Variants in ARHGAP45 observed in about 807,000 individuals in gnomAD.
The protein encoded by ARHGAP45 is rho GTPase-activating protein 45.
In ARHGAP45, 56 loss-of-function variants were observed where a neutral mutation model predicts 116.1. The observed-to-expected ratio is 0.48, with a 90% CI of 0.39 to 0.60. ARHGAP45 has a LOEUF of 0.60. Among genes scored for constraint, ARHGAP45 ranks in the 20% least tolerant of loss-of-function variants. The pLI, the probability that ARHGAP45 is intolerant of heterozygous loss-of-function variation, is 0.00. For synonymous variants in ARHGAP45, 866 were observed against 701.7 expected, an observed-to-expected ratio of 1.23 and a Z score of -3.70; for missense variants, 1,622 against 1,601.0, an observed-to-expected ratio of 1.01 and a Z score of -0.22.
At position 1,068,487 on chromosome 19, in the gene ARHGAP45, G is replaced by T; in HGVS notation, c.164G>T (p.Gly55Val). Residue 55 changes from glycine (G) to valine (V), a missense_variant, in exon 2 of 23, where the codon GGC becomes GTC. By Grantham distance (109) the Gly-to-Val change is moderately radical. Transcript: ENST00000313093. The surrounding 1 kb of genome is among the most constrained non-coding windows in gnomAD (Gnocchi z 7.5). ...CTGGAGCCGCCCGCTGGGTCCTCCGGCGTCAAGGCCACAGGGACCCTCAAG... is the reference window on the plus strand; with the variant it reads ...CTGGAGCCGCCCGCTGGGTCCTCCGTCGTCAAGGCCACAGGGACCCTCAAG... ...PSLEPPAGSS[G>V]VKATGTLKRP... The T allele has an allele frequency of 1.9e-6, 3 of 1,589,564 alleles. No individual in the cohort carries two copies. Among genetic ancestry groups the T allele is most frequent in the Non-Finnish European group, 2.6e-6 (3 of 1,168,868 alleles).
Position 1,074,089 on chromosome 19 carries a change from C to T in ARHGAP45, c.791-15C>T, listed in dbSNP as rs1265813250. ...GCGGGTCGGGCCAGGCTGAGCAGGC[C>T]CCCGTTCCCTGCAGGCTGCCTGCCC... is the stretch of plus-strand genomic sequence containing the variant. On this transcript the variant is annotated splice_polypyrimidine_tract_variant and intron_variant, in intron 6 of 22. Transcript: ENST00000313093. 3 of 1,610,098 alleles carry T rather than the reference C, an allele frequency of 1.9e-6. No individual in the cohort carries two copies. In the African/African-American group the frequency reaches 4.0e-5, roughly 21 times the overall value.
intron 2 of ARHGAP45, among the ~76,000 whole-genome samples, chr19:1,070,329 C>CTTTTTT (rs1172163710): frequency 2.5e-3 from 235 of 93,266 alleles, no homozygotes; most frequent in Non-Finnish European, 3.2e-3. Context: ...CTTTTCTTTT[C>CTTTTTT]TTTTTTTTTT....
upstream of ARHGAP45, among the ~76,000 whole-genome samples, chr19:1,066,842 C>T (rs967141803): frequency 6.6e-6 from 1 of 151,678 alleles, no homozygotes; most frequent in African/African-American, 2.4e-5. Context: ...GCGGGCTTGC[C>T]TTCAGGGAAA....
intron 10 of ARHGAP45, among the ~76,000 whole-genome samples, chr19:1,075,630 T>C (rs1397395627): frequency 3.3e-5 from 5 of 151,994 alleles, no homozygotes; most frequent in African/African-American, 9.7e-5. Flanking sequence ...TTTGCTTGTT[T>C]TGAGATAAGG....
intron 20 of ARHGAP45, 28 bp from the exon 21 acceptor site, chr19:1,083,115 C>T: frequency 2.5e-6 from 4 of 1,587,844 alleles, no homozygotes; most frequent in Non-Finnish European, 3.4e-6. Context: ...GGGAGCCGCT[C>T]AGCACCTGGC....
intron 11 of ARHGAP45, among the ~76,000 whole-genome samples, chr19:1,079,298 C>T (rs912000702): frequency 1.3e-4 from 19 of 150,728 alleles, no homozygotes; most frequent in Non-Finnish European, 1.0e-4. Flanking sequence ...GCCAGGAGTT[C>T]GAAACCAGCC....
Position 1,081,706 on chromosome 19 carries a change from T to TGCGAGATCGAGCG in ARHGAP45, c.2351_2363dup (p.Ala789AspfsTer117). On this transcript the variant is annotated frameshift_variant, in exon 18 of 23. Transcript: ENST00000313093. LOFTEE classifies it high-confidence loss of function. ...GCCCTTCATCGTCAAGAAGTGCGTC[T>TGCGAGATCGAGCG]GCGAGATCGAGCGGCGGGCGCTGCG... is the stretch of plus-strand genomic sequence containing the variant. 1.3e-6 allele frequency: 2 copies of TGCGAGATCGAGCG among 1,587,448 alleles called. No individual in the cohort carries two copies. Among genetic ancestry groups the TGCGAGATCGAGCG allele is most frequent in the Non-Finnish European group, 1.7e-6 (2 of 1,166,288 alleles).
chr19:1,067,776 G>C (rs1163453993), intron 1 of ARHGAP45: 12 of 641,544 alleles, frequency 1.9e-5, no homozygotes, highest in Non-Finnish European at 3.1e-5. Context: ...GGACGATGTT[G>C]TGTTTGGGCC....
rs2043107762 is a variant in ARHGAP45 at position 1,069,905 on chromosome 19, C to A, written c.421+1161C>A. On this transcript the variant is annotated intron_variant, in intron 2 of 22. Coordinates refer to ENST00000313093, the MANE Select transcript of ARHGAP45 (RefSeq NM_012292.5). This position sits in a 1 kb window ranked among gnomAD's most constrained non-coding sequence, Gnocchi z 4.1. The stretch of plus-strand genomic sequence containing the variant: ...GATTGAGGCTCACTGTTACCTTGAA[C>A]TCCTGGGCTCAAGCCATCCTCCTAC... Among the ~76,000 whole-genome samples the A allele has an allele frequency of 6.6e-6, 1 of 151,146 alleles. No individual in the cohort carries two copies. Among genetic ancestry groups the A allele is most frequent in the Non-Finnish European group, 1.5e-5 (1 of 67,890 alleles).
chr19:1,081,524 G>GGCTC, intron 17 of ARHGAP45, 26 bp from the exon 18 acceptor site: 1 of 1,449,210 alleles, frequency 6.9e-7, no homozygotes, highest in Non-Finnish European at 9.1e-7. Flanking sequence ...CCCGGGGCTG[G>GGCTC]GCTCACTCAC....
chr19:1,084,332 C>T lies in ARHGAP45; in HGVS notation c.3050C>T (p.Ala1017Val), dbSNP rs781150380. ...GTCTACCCGCTGCAGGAGGCGGCGG[C>T]GGACGGGTGCAGAGGTGAGTGTGTG... ...AVVYPLQEAA[A>V]DGCRESRVVS... Residue 1017 changes from alanine to valine, a missense_variant, in exon 22 of 23, where the codon GCG becomes GTG. Ala to Val is a moderately conservative substitution (Grantham distance 64). This residue lies in a region of ARHGAP45 where 1,334 missense variants were observed against 1,263.8 expected (regional missense o/e 1.06). Transcript: ENST00000313093. The T allele has an allele frequency of 3.5e-5, 56 of 1,609,480 alleles. 1 individual carries two copies. Among genetic ancestry groups the T allele is most frequent in the Middle Eastern group, 3.8e-4 (2 of 5,310 alleles).
At chr19:1,082,765 G>C in intron 19 of ARHGAP45, 75 bp from the exon 20 acceptor site, 2 of 1,296,492 alleles carry the variant, frequency 1.5e-6, no homozygotes, top group Non-Finnish European at 1.0e-6. Context: ...GTGGGGCTGA[G>C]GCTGGGGGCG....
At position 1,074,115 on chromosome 19, in the gene ARHGAP45, G is replaced by C; in HGVS notation, c.802G>C (p.Ala268Pro). ...CCCGTTCCCTGCAGGCTGCCTGCCC[G>C]CCGAGGAGGTGGACGTGCTGCTACA... ...LEDCDAGCLP[A>P]EEVDVLLQRC... The change falls in exon 7 of 23, where the codon GCC becomes CCC. Residue 268 changes from alanine (A) to proline (P), a missense_variant. Ala to Pro is a conservative substitution (Grantham distance 27). Transcript: ENST00000313093. The C allele has an allele frequency of 1.2e-6, 2 of 1,612,352 alleles. No individual in the cohort carries two copies. Among genetic ancestry groups the C allele is most frequent in the Non-Finnish European group, 1.7e-6 (2 of 1,179,504 alleles).
chr19:1,082,736 T>A (rs1225658601), intron 19 of ARHGAP45, 104 bp from the exon 20 acceptor site: 3 of 950,628 alleles, frequency 3.2e-6, no homozygotes, highest in Non-Finnish European at 1.5e-6. Flanking sequence ...CGGTGGGGTG[T>A]GGCCAGTGCT....
chr19:1,085,561 C>T (rs371330901), intron 22 of ARHGAP45, 99 bp from the exon 23 acceptor site: 34 of 645,888 alleles, frequency 5.3e-5, no homozygotes, highest in African/African-American at 1.8e-4. Context: ...CTCTCTCCCC[C>T]CTCTCCTGTC....
chr19:1,078,843 A>C (rs538407660), intron 11 of ARHGAP45, among the ~76,000 whole-genome samples: 1 of 151,852 alleles, frequency 6.6e-6, no homozygotes, highest in Admixed American at 6.6e-5. Context: ...CAGCCTCTAG[A>C]GTAGCTGGGA....
Position 1,073,539 on chromosome 19 carries a change from A to G in ARHGAP45, c.599A>G (p.Lys200Arg), listed in dbSNP as rs531209047. The G allele has an allele frequency of 2.9e-5, 47 of 1,614,072 alleles. No homozygotes were observed. The South Asian group carries it at 4.6e-4, about 16-fold the overall frequency. ...TATGAGAGCAACAATGATCTGGAGAAACAGGAGTTCGAGAAGGCCCTGGAG... is the reference window on the plus strand; with the variant it reads ...TATGAGAGCAACAATGATCTGGAGAGACAGGAGTTCGAGAAGGCCCTGGAG... The part of the protein sequence containing the change: ...FHYESNNDLE[K>R]QEFEKALETI... Residue 200 changes from lysine to arginine, a missense_variant, in exon 4 of 23, where the codon AAA becomes AGA. Lys to Arg is a conservative substitution (Grantham distance 26). This residue lies in a region of ARHGAP45 where 279 missense variants were observed against 311.9 expected (regional missense o/e 0.89). Coordinates refer to ENST00000313093, the MANE Select transcript of ARHGAP45 (RefSeq NM_012292.5).
chr19:1,076,998 G>T, intron 10 of ARHGAP45: 1 of 984,082 alleles, frequency 1.0e-6, no homozygotes, highest in Non-Finnish European at 1.2e-6. Flanking sequence ...CAAAGCACTG[G>T]GAGTACAGGT....
In ARHGAP45 at chr19:1,068,089, A is replaced by G. The variant is rs1005403375; in HGVS notation, c.91-325A>G. Among the ~76,000 whole-genome samples, 3 of 151,990 alleles carry G rather than the reference A, an allele frequency of 2.0e-5. No homozygotes were observed. Among genetic ancestry groups the G allele is most frequent in the African/African-American group, 7.3e-5 (3 of 41,364 alleles). Reference sequence around the variant, plus strand: ...TGTTCACTTAAAGCACCTGCGTTGTAGGAGCCTGAGGGGGGCTTGAAGGGC... The same window carrying G: ...TGTTCACTTAAAGCACCTGCGTTGTGGGAGCCTGAGGGGGGCTTGAAGGGC... On this transcript the variant is annotated intron_variant, in intron 1 of 22. Coordinates refer to ENST00000313093, the MANE Select transcript of ARHGAP45 (RefSeq NM_012292.5). The surrounding 1 kb of genome is among the most constrained non-coding windows in gnomAD (Gnocchi z 7.5).
Sources: gnomAD v4.1 joint callset for allele counts (sites outside exome capture counted in the v4.1 genomes callset) on GRCh38, gnomAD v4.1.1 for gene constraint, gnomAD v4.1.1 regional missense constraint, Gnocchi (gnomAD v3.1) non-coding constraint, MANE v1.5 for transcripts, NCBI Gene and HGNC (gene_info 2026-07-23, HGNC 2026-07-21) for gene names.